RPTOR: variants seen among roughly 807,000 people sequenced by gnomAD.
RPTOR encodes the protein regulatory-associated protein of mTOR.
Under a neutral mutation model 169.9 loss-of-function variants are expected in RPTOR, and 21 were observed. The ratio of observed to expected loss-of-function variants is 0.12; its 90% CI spans 0.09 to 0.18. The LOEUF (loss-of-function observed/expected upper bound fraction) is 0.18, where lower values mean the gene tolerates loss of function less well. Among genes scored for constraint, RPTOR ranks in the 10% least tolerant of loss-of-function variants. RPTOR has a pLI of 1.00. For missense variants in RPTOR, 1,133 were observed against 1,855.9 expected, an observed-to-expected ratio of 0.61 and a Z score of 7.16; for synonymous variants, 732 against 753.2, an observed-to-expected ratio of 0.97 and a Z score of 0.46.
chr17:80,785,284 G>A (rs1422683261), intron 6 of RPTOR, among the ~76,000 whole-genome samples: 1 of 152,208 alleles, frequency 6.6e-6, no homozygotes, highest in Non-Finnish European at 1.5e-5. Flanking sequence ...AAAATGAGCA[G>A]GGATATTAGG....
intron 5 of RPTOR, among the ~76,000 whole-genome samples, chr17:80,733,721 T>C (rs1484089501): frequency 6.6e-6 from 1 of 151,742 alleles, no homozygotes; most frequent in Non-Finnish European, 1.5e-5. Context: ...TAAATTCCTA[T>C]GTGTTATTTG....
chr17:80,694,222 C>T (rs1278287078), intron 3 of RPTOR, among the ~76,000 whole-genome samples: 7 of 152,208 alleles, frequency 4.6e-5, no homozygotes, highest in Non-Finnish European at 1.0e-4. Flanking sequence ...GCAGTTGCCC[C>T]GTGCTCACGA....
At chr17:80,824,327 A>G (rs572744187) in intron 9 of RPTOR, among the ~76,000 whole-genome samples, 14 of 152,250 alleles carry the variant, frequency 9.2e-5, no homozygotes, top group Non-Finnish European at 1.5e-4. Flanking sequence ...GAAGTAAACC[A>G]TTTAAATAAT....
intron 3 of RPTOR, among the ~76,000 whole-genome samples, chr17:80,685,630 T>TA (rs1272078541): frequency 0.025 from 1,157 of 46,044 alleles, 128 homozygotes; most frequent in Admixed American, 0.038. Flanking sequence ...TATATATATT[T>TA]TTTTTTTTTT....
rs529059686 is a variant in RPTOR, at chr17:80,945,396, T to G, written c.3026-271T>G. On this transcript the variant is annotated intron_variant, in intron 25 of 33. Coordinates refer to ENST00000306801, the MANE Select transcript of RPTOR (RefSeq NM_020761.3). ...TCACAAGGTCAGGAGATCAAGACCA[T>G]CCTGTCTAACACGGTGAAACCCCAT... Among the ~76,000 whole-genome samples, 14 of 152,074 alleles carry G rather than the reference T, an allele frequency of 9.2e-5. No homozygotes were observed. The East Asian group carries it at 1.9e-3, about 21-fold the overall frequency.
intron 13 of RPTOR, among the ~76,000 whole-genome samples, chr17:80,875,685 G>A (rs71368101): frequency 2.6e-5 from 4 of 151,474 alleles, no homozygotes; most frequent in Non-Finnish European, 4.4e-5. Flanking sequence ...AAGCCCCTCC[G>A]CCCAGGATGT....
chr17:80,949,601 G>A (rs529137836), intron 28 of RPTOR, 54 bp downstream of exon 28: 42 of 1,461,730 alleles, frequency 2.9e-5, no homozygotes, highest in East Asian at 4.5e-5. Context: ...GGCTGCGGAC[G>A]CACTCGGAAT....
chr17:80,553,883 A>C (rs1247399198), intron 1 of RPTOR, among the ~76,000 whole-genome samples: 1 of 152,072 alleles, frequency 6.6e-6, no homozygotes, highest in Non-Finnish European at 1.5e-5. Context: ...TTGGGATTAC[A>C]TGTGCCTGCT....
intron 4 of RPTOR, among the ~76,000 whole-genome samples, chr17:80,728,446 G>GGTGTGTGTGTGTGTGTGTGT (rs71367012): frequency 0.028 from 4,098 of 148,170 alleles, 100 homozygotes; most frequent in East Asian, 0.12. Flanking sequence ...TCCACTCTGG[G>GGTGTGTGTGTGTGTGTGTGT]GTGTGTGTGT....
intron 28 of RPTOR, among the ~76,000 whole-genome samples, chr17:80,952,869 T>C (rs1481931326): frequency 1.3e-5 from 1 of 78,302 alleles, no homozygotes; most frequent in Non-Finnish European, 3.3e-5. Context: ...TTTTTTTTTT[T>C]TTTTTTTTTT....
At chr17:80,812,247 G>T (rs188480065) in intron 7 of RPTOR, among the ~76,000 whole-genome samples, 55 of 152,258 alleles carry the variant, frequency 3.6e-4, no homozygotes, top group African/African-American at 1.3e-3. Context: ...TCAAGTCTGT[G>T]CCTGGCGGCT....
Position 80,736,976 on chromosome 17 carries a change from C to T in RPTOR, c.654+6270C>T, listed in dbSNP as rs180737845. On this transcript the variant is annotated intron_variant, in intron 5 of 33. Coordinates refer to ENST00000306801, the MANE Select transcript of RPTOR (RefSeq NM_020761.3). ...TCATAAGTGCTTTCCCCTGTAATCTCATAGTTTTGTCATTTGTAGGCAGTA... is the reference window on the plus strand; with the variant it reads ...TCATAAGTGCTTTCCCCTGTAATCTTATAGTTTTGTCATTTGTAGGCAGTA... 1.1e-4 allele frequency among the ~76,000 whole-genome samples: 16 copies of T among 152,328 alleles called. 1 individual carries two copies. The highest frequency in any genetic ancestry group is 1.9e-4 in the Non-Finnish European group (13 of 68,034).
chr17:80,687,993 G>A (rs996156441), intron 3 of RPTOR, among the ~76,000 whole-genome samples: 6 of 152,142 alleles, frequency 3.9e-5, no homozygotes, highest in African/African-American at 1.2e-4. Flanking sequence ...CCTCAGCACC[G>A]CTAGCTTCAC....
chr17:80,596,667 G>A (rs1053895866), intron 1 of RPTOR, among the ~76,000 whole-genome samples: 1 of 152,070 alleles, frequency 6.6e-6, no homozygotes, highest in Non-Finnish European at 1.5e-5. Flanking sequence ...AAAGCATTTT[G>A]GAGAAAACCT....
At chr17:80,713,376 TCG>T (rs1567871195) in intron 4 of RPTOR, among the ~76,000 whole-genome samples, 1 of 152,254 alleles carries the variant, frequency 6.6e-6, no homozygotes, top group African/African-American at 2.4e-5. Flanking sequence ...GATATGTGTT[TCG>T]CAAATATGTC....
intron 12 of RPTOR, 141 bp from the exon 13 acceptor site, chr17:80,857,649 C>CT (rs1598356961): frequency 1.7e-6 from 1 of 601,730 alleles, no homozygotes. Flanking sequence ...CCCCTCTTTA[C>CT]TTTAAGTGAG....
chr17:80,629,125 A>G (rs2065419390), intron 2 of RPTOR, among the ~76,000 whole-genome samples: 1 of 148,658 alleles, frequency 6.7e-6, no homozygotes. Context: ...CTCTCTATGT[A>G]TTGTGCTGTT....
At chr17:80,829,369 C>T (rs566636916) in intron 9 of RPTOR, among the ~76,000 whole-genome samples, 7 of 152,290 alleles carry the variant, frequency 4.6e-5, no homozygotes, top group South Asian at 4.2e-4. Context: ...TCAGTCCAAC[C>T]GGGGCTCTGC....
At chr17:80,817,400 C>T (rs913687932) in intron 7 of RPTOR, among the ~76,000 whole-genome samples, 3 of 151,992 alleles carry the variant, frequency 2.0e-5, no homozygotes, top group African/African-American at 7.3e-5. Flanking sequence ...GAGGCGGCCA[C>T]CCCATGGGGA....
Sources: gnomAD v4.1 joint callset for allele counts (sites outside exome capture counted in the v4.1 genomes callset) on GRCh38, gnomAD v4.1.1 for gene constraint, MANE v1.5 for transcripts, NCBI Gene and HGNC (gene_info 2026-07-23, HGNC 2026-07-21) for gene names.